Variants in TENM4 observed in about 807,000 individuals in gnomAD.
The protein encoded by TENM4 is teneurin transmembrane protein 4.
TENM4 carries 82 observed loss-of-function variants against 243.3 expected under a neutral mutation model. That is an observed-to-expected ratio of 0.34 (90% CI 0.28 to 0.40). The LOEUF is 0.40. Among genes scored for constraint, TENM4 ranks in the 10% least tolerant of loss-of-function variants. The probability of loss-of-function intolerance (pLI) is 1.00; values close to 1 mark genes in which losing one functional copy is unlikely to be tolerated. For synonymous variants in TENM4, 1,412 were observed against 1,456.3 expected (o/e 0.97, Z 0.69); for missense variants, 3,138 against 3,673.3 (o/e 0.85, Z 3.77).
chr11:78,858,694 G>A (rs569929401), intron 10 of TENM4, among the ~76,000 whole-genome samples: 21 of 152,328 alleles, frequency 1.4e-4, no homozygotes, highest in African/African-American at 5.1e-4. Flanking sequence ...CCTCCACCAT[G>A]AAGCAAAAGC....
chr11:78,936,100 A>C (rs934625580), intron 6 of TENM4, among the ~76,000 whole-genome samples: 1 of 152,196 alleles, frequency 6.6e-6, no homozygotes, highest in African/African-American at 2.4e-5. Flanking sequence ...ATCTCCTTCA[A>C]CTAGAAGGTG....
chr11:79,109,428 C>T (rs557862951), intron 4 of TENM4, among the ~76,000 whole-genome samples: 1 of 152,114 alleles, frequency 6.6e-6, no homozygotes, highest in Admixed American at 6.5e-5. Context: ...AGTGATTCTC[C>T]TTGTGAGGTG....
At chr11:78,699,370 G>A (rs1326247456) in intron 28 of TENM4, among the ~76,000 whole-genome samples, 1 of 152,226 alleles carries the variant, frequency 6.6e-6, no homozygotes, top group African/African-American at 2.4e-5. Context: ...CATACTCACT[G>A]TGTGGTTTCA....
At chr11:78,700,929 A>G (rs913007456) in intron 28 of TENM4, among the ~76,000 whole-genome samples, 2 of 152,154 alleles carry the variant, frequency 1.3e-5, no homozygotes, top group Non-Finnish European at 2.9e-5. Context: ...GTAATATGCA[A>G]TTGTTGTTCC....
chr11:78,737,838 A>G (rs1249032991), intron 20 of TENM4, among the ~76,000 whole-genome samples: 2 of 152,222 alleles, frequency 1.3e-5, no homozygotes, highest in Non-Finnish European at 2.9e-5. Flanking sequence ...TTAACCACGT[A>G]CTATGCGCCA....
At chr11:78,960,570 C>T (rs1857297998) in intron 6 of TENM4, among the ~76,000 whole-genome samples, 1 of 152,162 alleles carries the variant, frequency 6.6e-6, no homozygotes, top group Non-Finnish European at 1.5e-5. Context: ...CTTCCCTTGT[C>T]CCCACCTCAA....
chr11:78,880,488 A>AAAAAAAG (rs1368857006), intron 9 of TENM4, among the ~76,000 whole-genome samples: 21 of 113,008 alleles, frequency 1.9e-4, no homozygotes, highest in African/African-American at 6.2e-4. Context: ...AAAAAAAAAA[A>AAAAAAAG]AGAAAGAAAA....
In TENM4 at chr11:79,064,711, CCGGCACA is replaced by C; in HGVS notation, c.493+20_493+26del. On this transcript the variant is annotated intron_variant, in intron 6 of 33. Transcript: ENST00000278550. Reference sequence around the variant, plus strand: ...AACCCCAGCCCCACCACCCAGGCACCCGGCACAGACCAAACCAGCCACTCACCAGTCT... The same window carrying C: ...AACCCCAGCCCCACCACCCAGGCACCGACCAAACCAGCCACTCACCAGTCT... 6.4e-7 allele frequency: 1 copy of C among 1,551,292 alleles called. No individual in the cohort carries two copies. Among genetic ancestry groups the C allele is most frequent in the Non-Finnish European group, 8.7e-7 (1 of 1,146,886 alleles).
chr11:78,915,398 C>A (rs1856291548), intron 6 of TENM4, among the ~76,000 whole-genome samples: 1 of 152,052 alleles, frequency 6.6e-6, no homozygotes, highest in African/African-American at 2.4e-5. Context: ...TATATCATAG[C>A]CTGTGTGAGG....
At chr11:79,232,290 C>G (rs1864387725) in intron 2 of TENM4, among the ~76,000 whole-genome samples, 1 of 152,096 alleles carries the variant, frequency 6.6e-6, no homozygotes, top group Non-Finnish European at 1.5e-5. Context: ...TCAGATAGTA[C>G]AGAGGCTAGC....
intron 2 of TENM4, among the ~76,000 whole-genome samples, chr11:79,285,509 T>A (rs972772666): frequency 9.2e-5 from 14 of 152,186 alleles, no homozygotes; most frequent in African/African-American, 3.1e-4. Context: ...CTGCTAGATA[T>A]ATACCCCAAA....
chr11:79,242,199 G>C (rs892267515), intron 2 of TENM4, among the ~76,000 whole-genome samples: 5 of 152,006 alleles, frequency 3.3e-5, no homozygotes, highest in Non-Finnish European at 1.5e-5. Flanking sequence ...TTTTAATTTG[G>C]TAAATAACGT....
At chr11:78,948,961 A>G (rs1047608965) in intron 6 of TENM4, among the ~76,000 whole-genome samples, 1 of 152,226 alleles carries the variant, frequency 6.6e-6, no homozygotes, top group Non-Finnish European at 1.5e-5. Context: ...TTACTGCGTC[A>G]TATTAGGATG....
At chr11:78,968,298 T>G (rs1857476853) in intron 6 of TENM4, among the ~76,000 whole-genome samples, 1 of 152,164 alleles carries the variant, frequency 6.6e-6, no homozygotes, top group African/African-American at 2.4e-5. Flanking sequence ...TATTTTCTTT[T>G]GTTTGAGATG....
chr11:78,781,698 T>C (rs1856840415), intron 16 of TENM4, among the ~76,000 whole-genome samples: 1 of 151,842 alleles, frequency 6.6e-6, no homozygotes, highest in Non-Finnish European at 1.5e-5. Flanking sequence ...GGCTGCATCA[T>C]TGGTACATGT....
rs553121515 is a variant in TENM4 at position 78,712,570 on chromosome 11, C to T, written c.3966G>A (p.Ala1322=). 8.7e-6 allele frequency: 14 copies of T among 1,613,996 alleles called. No individual in the cohort carries two copies. The highest frequency in any genetic ancestry group is 8.0e-5 in the African/African-American group (6 of 75,038). The part of the protein sequence containing the change: ...KDLVKNSEVV[A]GTGDQCLPFD... ...AGGGGAGGCACTGGTCACCTGTCCC[C>T]GCAACCACCTCAGAGTTCTTGACAA... Residue 1322 remains alanine (A), a synonymous_variant, in exon 26 of 34, where the codon GCG becomes GCA. Coordinates refer to ENST00000278550, the MANE Select transcript of TENM4 (RefSeq NM_001098816.3).
chr11:79,145,102 AAG>A (rs1489128117), intron 4 of TENM4, among the ~76,000 whole-genome samples: 1 of 152,098 alleles, frequency 6.6e-6, no homozygotes, highest in African/African-American at 2.4e-5. Flanking sequence ...AAATTTAAAA[AAG>A]AAATACATTT....
At chr11:78,738,916 G>A (rs1855860386) in intron 19 of TENM4, among the ~76,000 whole-genome samples, 1 of 152,098 alleles carries the variant, frequency 6.6e-6, no homozygotes, top group South Asian at 2.1e-4. Context: ...AATGATCTGG[G>A]GTCTAATCTT....
chr11:78,943,393 C>A (rs935118167), intron 6 of TENM4, among the ~76,000 whole-genome samples: 2 of 152,180 alleles, frequency 1.3e-5, no homozygotes, highest in African/African-American at 4.8e-5. Context: ...TCAGTGTGAG[C>A]AGCAGACTCT....
Sources: allele counts gnomAD v4.1 joint callset (sites outside exome capture counted in the v4.1 genomes callset), GRCh38; gene constraint gnomAD v4.1.1; transcripts MANE v1.5; gene names NCBI Gene and HGNC (gene_info 2026-07-23, HGNC 2026-07-21).